The following ADI1 variants were observed in gnomAD, a reference collection of about 807,000 sequenced individuals.
ADI1 encodes the protein acireductone dioxygenase.
In ADI1, 21 loss-of-function variants were observed where a neutral mutation model predicts 18.7. That is an observed-to-expected ratio of 1.13 (90% CI 0.80 to 1.62). ADI1 has a LOEUF of 1.62. Ranked by LOEUF, ADI1 falls within the 40% of genes most tolerant of loss-of-function variation. ADI1 has a pLI of 0.00. For missense variants in ADI1, 245 were observed against 254.9 expected, an observed-to-expected ratio of 0.96 and a Z score of 0.26; for synonymous variants, 90 against 100.1, an observed-to-expected ratio of 0.90 and a Z score of 0.60.
At position 3,519,369 on chromosome 2, in the gene ADI1, T is replaced by G; in HGVS notation, c.119A>C (p.Lys40Thr). 1 of 1,433,418 alleles carries G rather than the reference T, an allele frequency of 7.0e-7. No individual in the cohort carries two copies. Among genetic ancestry groups the G allele is most frequent in the Non-Finnish European group, 9.1e-7 (1 of 1,100,868 alleles). The allele number at this position is 1,433,418 out of a possible 1,614,324, so 88.8% of individuals were successfully genotyped here. A position where few individuals can be genotyped will look rare whatever the true frequency, so the allele number is the denominator to read the frequency against. ...TCTGCGAGGCTTGGGCTCGCGTACC[T>G]TCCAGTAGAGCACCCCGAGCCGCCG... ...QLRRLGVLYW[K>T]LDADKYENDP... The change falls in exon 1 of 4, where the codon AAG (lysine) becomes ACG (threonine). Residue 40 changes from lysine (K) to threonine (T), a missense_variant and splice_region_variant. By Grantham distance (78) the Lys-to-Thr change is moderately conservative. Transcript: ENST00000327435.
intron 1 of ADI1, among the ~76,000 whole-genome samples, chr2:3,518,121 G>A (rs1164785086): frequency 6.6e-6 from 1 of 152,174 alleles, no homozygotes; most frequent in Non-Finnish European, 1.5e-5. Flanking sequence ...TTGCTTTGAA[G>A]AAGTACCCTC....
chr2:3,515,852 T>C lies in ADI1; in HGVS notation c.121-1876A>G, dbSNP rs369533955. On this transcript the variant is annotated intron_variant, in intron 1 of 3. Coordinates refer to ENST00000327435, the MANE Select transcript of ADI1 (RefSeq NM_018269.4). Reference sequence around the variant, plus strand: ...TTATTTCTCAGCTGGCCGACACTTATGGAAAATGGAACCTATGTTGAAATA... The same window carrying C: ...TTATTTCTCAGCTGGCCGACACTTACGGAAAATGGAACCTATGTTGAAATA... The C allele has an allele frequency of 5.4e-5, 52 of 963,398 alleles. No homozygotes were observed. In the East Asian group the frequency reaches 1.8e-3, roughly 34 times the overall value. 59.7% of individuals were successfully genotyped at this position (963,398 alleles called of 1,614,324 possible).
intron 2 of ADI1, among the ~76,000 whole-genome samples, chr2:3,501,305 G>A (rs904398245): frequency 6.6e-6 from 1 of 152,144 alleles, no homozygotes; most frequent in Non-Finnish European, 1.5e-5. Context: ...TGCTCTATCA[G>A]CCCCGTTTTA....
rs533234616 is a variant in ADI1 at position 3,499,003 on chromosome 2, GC to G, written c.499del (p.Ala167ProfsTer6). On this transcript the variant is annotated frameshift_variant, in exon 4 of 4. Coordinates refer to ENST00000327435, the MANE Select transcript of ADI1 (RefSeq NM_018269.4). LOFTEE classifies it high-confidence loss of function. ...CAGAAATTTCACGTACTGCCCGCGG[GC>G]TTCAAAATGGTCAGCGGGCCGGTTG... ...AYNRPADHFE[A>X]RGQYVKFLAQ... The G allele has an allele frequency of 1.1e-4, 178 of 1,613,966 alleles. No individual in the cohort carries two copies. The African/African-American group carries it at 1.9e-3, about 18-fold the overall frequency.
intron 2 of ADI1, among the ~76,000 whole-genome samples, chr2:3,509,712 A>G (rs1264113258): frequency 1.3e-5 from 2 of 152,132 alleles, no homozygotes; most frequent in Non-Finnish European, 2.9e-5. Flanking sequence ...GAAAATTTAC[A>G]GCACTAAACC....
rs531874898 is a variant in ADI1 at position 3,514,647 on chromosome 2, ATC to A, written c.121-673_121-672del. On this transcript the variant is annotated intron_variant, in intron 1 of 3. Coordinates refer to ENST00000327435, the MANE Select transcript of ADI1 (RefSeq NM_018269.4). ...CAACATTTTCATTTATCACAATCCTATCTCTATTAAGGTTCAGTTTTACTGTT... is the reference window on the plus strand; with the variant it reads ...CAACATTTTCATTTATCACAATCCTATCTATTAAGGTTCAGTTTTACTGTT... 3.9e-5 allele frequency among the ~76,000 whole-genome samples: 6 copies of A among 152,188 alleles called. No homozygotes were observed. The South Asian group carries it at 1.2e-3, about 32-fold the overall frequency.
chr2:3,515,042 A>G (rs1667369713), intron 1 of ADI1: 1 of 530,302 alleles, frequency 1.9e-6, no homozygotes, highest in Non-Finnish European at 3.0e-6. Context: ...GTACAAATTG[A>G]TTGTAAAACA....
chr2:3,499,989 TGGGAGGTGGAG>T (rs1161650732), intron 3 of ADI1, among the ~76,000 whole-genome samples: 1 of 150,072 alleles, frequency 6.7e-6, no homozygotes, highest in African/African-American at 2.5e-5. Context: ...CGCTTGAGCT[TGGGAGGTGGAG>T]GTTGCATTGA....
chr2:3,500,675 C>A (rs997424089), intron 3 of ADI1, 139 bp downstream of exon 3: 18 of 1,159,448 alleles, frequency 1.6e-5, no homozygotes, highest in Non-Finnish European at 2.3e-5. Flanking sequence ...CACAGACTCT[C>A]CTTGAAGCAC....
chr2:3,510,618 C>T (rs1276577601), intron 2 of ADI1, among the ~76,000 whole-genome samples: 1 of 152,120 alleles, frequency 6.6e-6, no homozygotes, highest in Non-Finnish European at 1.5e-5. Context: ...ACTACATACT[C>T]TACAGATATT....
chr2:3,519,267 GGCTCCCAGGCCGCT>G, intron 1 of ADI1, 87 bp downstream of exon 1: 1 of 1,303,622 alleles, frequency 7.7e-7, no homozygotes, highest in Non-Finnish European at 9.8e-7. Flanking sequence ...AGCATGCCGC[GGCTCCCAGGCCGCT>G]GCCCGGCACC....
chr2:3,512,039 C>T (rs7583690), intron 2 of ADI1, among the ~76,000 whole-genome samples: 28,781 of 152,150 alleles, frequency 0.19, 2,822 homozygotes, highest in East Asian at 0.23. Flanking sequence ...ACAGCCTATG[C>T]GCAGATGCAA....
At chr2:3,516,062 C>T (rs1304388532) in intron 1 of ADI1, 9 of 980,852 alleles carry the variant, frequency 9.2e-6, no homozygotes, top group African/African-American at 5.3e-5. Flanking sequence ...TTATATGACA[C>T]GTGTCATAAG....
chr2:3,502,433 G>A (rs1326550471), intron 2 of ADI1, among the ~76,000 whole-genome samples: 2 of 146,346 alleles, frequency 1.4e-5, no homozygotes, highest in African/African-American at 5.1e-5. Flanking sequence ...AGAAAGAAAA[G>A]ACAAACGGAA....
At chr2:3,514,042 T>C (rs1033378198) in intron 1 of ADI1, 66 bp from the exon 2 acceptor site, 1 of 1,519,402 alleles carries the variant, frequency 6.6e-7, no homozygotes, top group African/African-American at 1.4e-5. Flanking sequence ...ACATTCTCTT[T>C]CTGGATCTCC....
intron 2 of ADI1, among the ~76,000 whole-genome samples, chr2:3,504,025 G>A (rs143980187): frequency 6.6e-6 from 1 of 152,336 alleles, no homozygotes; most frequent in East Asian, 1.9e-4. Context: ...AAAACGTTGA[G>A]TGAAAGTTTG....
At position 3,500,908 on chromosome 2, in the gene ADI1, T is replaced by G. The variant is rs80316471; in HGVS notation, c.326A>C (p.Asp109Ala). ...GATCCGGATCCACTGGTCCTCCTTGTCCCTCACATCGAAGTACCCACTGCC... is the reference window on the plus strand; with the variant it reads ...GATCCGGATCCACTGGTCCTCCTTGGCCCTCACATCGAAGTACCCACTGCC... ...LDGSGYFDVR[D>A]KEDQWIRIFM... is the part of the protein sequence containing the mutation. The change falls in exon 3 of 4, where the codon GAC becomes GCC. Residue 109 changes from aspartate to alanine, a missense_variant. Physicochemically the swap from Asp to Ala is moderately radical, Grantham distance 126. Transcript: ENST00000327435. The G allele has an allele frequency of 4.1e-4, 662 of 1,614,218 alleles. 3 individuals carry two copies. In the African/African-American group the frequency reaches 7.5e-3, roughly 18 times the overall value.
chr2:3,499,513 C>T (rs866887546), intron 3 of ADI1, among the ~76,000 whole-genome samples: 9 of 152,210 alleles, frequency 5.9e-5, no homozygotes, highest in South Asian at 2.1e-4. Context: ...AGACTAAAAA[C>T]GCACGTGCCT....
intron 1 of ADI1, chr2:3,516,032 ATAATATG>A: frequency 2.0e-6 from 2 of 983,934 alleles, no homozygotes; most frequent in Non-Finnish European, 2.4e-6. Flanking sequence ...ATTATGACAC[ATAATATG>A]TAATATGACA....
Sources: allele counts gnomAD v4.1 joint callset (sites outside exome capture counted in the v4.1 genomes callset), GRCh38; gene constraint gnomAD v4.1.1; transcripts MANE v1.5; gene names NCBI Gene and HGNC (gene_info 2026-07-23, HGNC 2026-07-21).